Variants in GALNTL6 observed in about 807,000 individuals in gnomAD.
The protein encoded by GALNTL6 is polypeptide N-acetylgalactosaminyltransferase-like 6.
A neutral mutation model predicts 73.7 loss-of-function variants in GALNTL6; 46 were observed. The observed-to-expected ratio is 0.62, with a 90% CI of 0.49 to 0.80. The LOEUF (loss-of-function observed/expected upper bound fraction) is 0.80. Among genes scored for constraint, GALNTL6 ranks in the 30% least tolerant of loss-of-function variants. The pLI is 0.00. For missense variants in GALNTL6, 604 were observed against 755.0 expected (o/e 0.80, Z 2.34); for synonymous variants, 259 against 263.7 (o/e 0.98, Z 0.17).
rs140963727 is a variant in GALNTL6, at chr4:171,885,061, A to G, written c.138+70343A>G. ...AACAGAGTGAGACTCTACCTCAAAAAAAAAGAAAAGAAAAGAAAAAGAATG... is the reference window on the plus strand; with the variant it reads ...AACAGAGTGAGACTCTACCTCAAAAGAAAAGAAAAGAAAAGAAAAAGAATG... On this transcript the variant is annotated intron_variant, in intron 2 of 12. Coordinates refer to ENST00000506823, the MANE Select transcript of GALNTL6 (RefSeq NM_001034845.3). Among the ~76,000 whole-genome samples, 639 of 151,918 alleles carry G rather than the reference A, an allele frequency of 4.2e-3. 4 individuals carry two copies. Among genetic ancestry groups the G allele is most frequent in the African/African-American group, 0.014 (593 of 41,326 alleles).
intron 2 of GALNTL6, among the ~76,000 whole-genome samples, chr4:171,817,363 A>G (rs919363902): frequency 7.2e-5 from 11 of 152,110 alleles, no homozygotes; most frequent in African/African-American, 2.6e-4. Context: ...TAATTTATGG[A>G]AATTCAAAAT....
At chr4:172,156,331 A>C (rs1433197849) in intron 2 of GALNTL6, among the ~76,000 whole-genome samples, 2 of 151,864 alleles carry the variant, frequency 1.3e-5, no homozygotes, top group Non-Finnish European at 2.9e-5. Flanking sequence ...CATTCCCTTA[A>C]GCTTTCAGGC....
intron 5 of GALNTL6, among the ~76,000 whole-genome samples, chr4:172,761,179 G>T (rs1315118427): frequency 6.6e-6 from 1 of 152,114 alleles, no homozygotes; most frequent in Non-Finnish European, 1.5e-5. Context: ...AAAAAATTAG[G>T]TGGTACAAGT....
intron 2 of GALNTL6, among the ~76,000 whole-genome samples, chr4:172,039,881 A>T (rs1442832334): frequency 6.6e-6 from 1 of 152,172 alleles, no homozygotes; most frequent in Non-Finnish European, 1.5e-5. Context: ...AATTTCATTA[A>T]GATGAAGTTA....
intron 5 of GALNTL6, among the ~76,000 whole-genome samples, chr4:172,552,998 A>G (rs1736021398): frequency 6.6e-6 from 1 of 152,124 alleles, no homozygotes; most frequent in African/African-American, 2.4e-5. Context: ...AGTGTATTTT[A>G]TATACCCAAG....
chr4:171,972,432 A>G (rs1739599447), intron 2 of GALNTL6, among the ~76,000 whole-genome samples: 1 of 152,090 alleles, frequency 6.6e-6, no homozygotes. Context: ...TCCTAGGATT[A>G]TAGCTTTGTA....
At chr4:171,946,499 C>A (rs1270131218) in intron 2 of GALNTL6, among the ~76,000 whole-genome samples, 1 of 152,166 alleles carries the variant, frequency 6.6e-6, no homozygotes, top group East Asian at 1.9e-4. Context: ...GGATGTTATT[C>A]ATCTCTCTGT....
At chr4:172,888,183 T>G (rs2111205602) in intron 8 of GALNTL6, among the ~76,000 whole-genome samples, 1 of 152,364 alleles carries the variant, frequency 6.6e-6, no homozygotes, top group Non-Finnish European at 1.5e-5. Flanking sequence ...AAGAAGCTCT[T>G]AAGTTTAATA....
chr4:171,942,259 TA>T (rs971326291), intron 2 of GALNTL6, among the ~76,000 whole-genome samples: 1 of 149,492 alleles, frequency 6.7e-6, no homozygotes, highest in African/African-American at 2.4e-5. Flanking sequence ...AATAAATAAA[TA>T]AATAAATATA....
chr4:172,362,419 C>T (rs1742403549), intron 5 of GALNTL6, among the ~76,000 whole-genome samples: 1 of 151,882 alleles, frequency 6.6e-6, no homozygotes, highest in Non-Finnish European at 1.5e-5. Context: ...TAATATTGGA[C>T]CCTCTCTGCT....
At chr4:172,703,041 A>G (rs190240457) in intron 5 of GALNTL6, among the ~76,000 whole-genome samples, 3 of 152,070 alleles carry the variant, frequency 2.0e-5, no homozygotes, top group South Asian at 2.1e-4. Context: ...CTAAATTTGT[A>G]TGCTTTTATT....
chr4:172,104,189 C>T (rs574027658), intron 2 of GALNTL6, among the ~76,000 whole-genome samples: 14 of 152,212 alleles, frequency 9.2e-5, no homozygotes, highest in African/African-American at 2.2e-4. Context: ...GTGATCCGCC[C>T]GCCTCGGCCT....
chr4:172,310,883 A>G (rs1740331414), intron 3 of GALNTL6, among the ~76,000 whole-genome samples: 1 of 152,066 alleles, frequency 6.6e-6, no homozygotes. Flanking sequence ...TGTAATTAAC[A>G]AAAATATAAT....
chr4:171,976,720 C>T (rs1358944186), intron 2 of GALNTL6, among the ~76,000 whole-genome samples: 2 of 152,058 alleles, frequency 1.3e-5, no homozygotes, highest in East Asian at 3.9e-4. Flanking sequence ...AACTGTGAGT[C>T]GTTTAGGAAA....
At chr4:171,891,228 T>C (rs1560828551) in intron 2 of GALNTL6, among the ~76,000 whole-genome samples, 1 of 152,176 alleles carries the variant, frequency 6.6e-6, no homozygotes, top group African/African-American at 2.4e-5. Context: ...GATGTTTTTC[T>C]CTAAGACCAA....
intron 5 of GALNTL6, among the ~76,000 whole-genome samples, chr4:172,656,660 C>T (rs1181799272): frequency 1.3e-5 from 2 of 152,198 alleles, no homozygotes; most frequent in African/African-American, 4.8e-5. Flanking sequence ...AGATGGGCCA[C>T]TAAAGTGACC....
At chr4:172,691,651 G>A (rs17236892) in intron 5 of GALNTL6, among the ~76,000 whole-genome samples, 64,772 of 151,930 alleles carry the variant, frequency 0.43, 16,038 homozygotes, top group East Asian at 0.68. Flanking sequence ...CTGCCCCTAG[G>A]CTTGACCAAG....
At chr4:172,186,751 G>A (rs943174260) in intron 2 of GALNTL6, among the ~76,000 whole-genome samples, 2 of 152,168 alleles carry the variant, frequency 1.3e-5, no homozygotes, top group Non-Finnish European at 2.9e-5. Context: ...CAGAATAAAG[G>A]TAGGTGGCTG....
intron 2 of GALNTL6, among the ~76,000 whole-genome samples, chr4:172,103,868 T>A (rs1038328073): frequency 6.6e-6 from 1 of 152,168 alleles, no homozygotes; most frequent in Non-Finnish European, 1.5e-5. Context: ...TGGGCCTCCA[T>A]AGTCCAGTTA....
Sources: gnomAD v4.1 joint callset for allele counts (sites outside exome capture counted in the v4.1 genomes callset) on GRCh38, gnomAD v4.1.1 for gene constraint, MANE v1.5 for transcripts, NCBI Gene and HGNC (gene_info 2026-07-23, HGNC 2026-07-21) for gene names.